Variants in DNAH14 observed in about 807,000 individuals in gnomAD.
DNAH14 encodes dynein axonemal heavy chain 14, also known as axonemal beta dynein heavy chain 14.
Under a neutral mutation model 520.9 loss-of-function variants are expected in DNAH14, and 478 were observed. The ratio of observed to expected loss-of-function variants is 0.92; its 90% confidence interval spans 0.85 to 0.99. The LOEUF is 0.99. Among genes scored for constraint, DNAH14 ranks in the 50% least tolerant of loss-of-function variants. DNAH14 has a pLI of 0.00. For synonymous variants in DNAH14, 1,581 were observed against 1,757.2 expected, an observed-to-expected ratio of 0.90 and a Z score of 2.51; for missense variants, 4,831 against 5,234.5, an observed-to-expected ratio of 0.92 and a Z score of 2.38.
chr1:225,301,453 G>A (rs909016812), intron 56 of DNAH14, among the ~76,000 whole-genome samples: 7 of 152,124 alleles, frequency 4.6e-5, no homozygotes, highest in African/African-American at 1.4e-4. Context: ...TGACCAGGAG[G>A]TGATGGATAA....
At chr1:225,174,104 C>T (rs1225715760) in intron 36 of DNAH14, among the ~76,000 whole-genome samples, 3 of 151,896 alleles carry the variant, frequency 2.0e-5, no homozygotes, top group Non-Finnish European at 4.4e-5. Flanking sequence ...CACACCAGGG[C>T]CTGTTGTGGG....
intron 1 of DNAH14, among the ~76,000 whole-genome samples, chr1:224,948,231 G>T (rs1283900628): frequency 6.6e-6 from 1 of 150,526 alleles, no homozygotes; most frequent in African/African-American, 2.4e-5. Flanking sequence ...TTACACATTT[G>T]CATTCCATAT....
intron 43 of DNAH14, among the ~76,000 whole-genome samples, chr1:225,242,054 C>T (rs2091996446): frequency 1.3e-5 from 2 of 152,070 alleles, no homozygotes; most frequent in Admixed American, 1.3e-4. Flanking sequence ...GAGACCCATC[C>T]ATCTCTAAAA....
At chr1:225,119,176 TA>T (rs1416977243) in intron 25 of DNAH14, 43 bp from the exon 26 acceptor site, 34 of 1,401,086 alleles carry the variant, frequency 2.4e-5, no homozygotes, top group Non-Finnish European at 3.1e-5. Flanking sequence ...AAACATGAAT[TA>T]AAAAATAATT....
At chr1:224,969,078 T>TCC in intron 7 of DNAH14, 1 of 421,324 alleles carries the variant, frequency 2.4e-6, no homozygotes, top group East Asian at 4.7e-5. Flanking sequence ...GAAGCATTTT[T>TCC]CCTTTCAGAA....
At chr1:225,186,886 A>T (rs951093661) in intron 37 of DNAH14, among the ~76,000 whole-genome samples, 3 of 151,876 alleles carry the variant, frequency 2.0e-5, no homozygotes, top group Admixed American at 6.6e-5. Flanking sequence ...TAATAAACAT[A>T]CTTAGGAATG....
At chr1:225,119,170 A>G (rs1313971402) in intron 25 of DNAH14, 50 bp from the exon 26 acceptor site, 2 of 1,374,516 alleles carry the variant, frequency 1.5e-6, no homozygotes, top group Non-Finnish European at 2.0e-6. Context: ...GGACTGAAAC[A>G]TGAATTAAAA....
At chr1:225,203,193 G>T (rs1054500656) in intron 38 of DNAH14, among the ~76,000 whole-genome samples, 2 of 152,184 alleles carry the variant, frequency 1.3e-5, no homozygotes. Flanking sequence ...GTCCATCCAA[G>T]TAGGAGCTGC....
chr1:225,087,852 AC>A (rs1306513233), intron 21 of DNAH14, among the ~76,000 whole-genome samples: 3 of 152,342 alleles, frequency 2.0e-5, no homozygotes, highest in African/African-American at 7.2e-5. Flanking sequence ...CAGGGAAACA[AC>A]CACTTGAGAA....
chr1:225,005,512 A>T (rs768733638), intron 9 of DNAH14, among the ~76,000 whole-genome samples: 10 of 152,160 alleles, frequency 6.6e-5, no homozygotes, highest in African/African-American at 9.6e-5. Context: ...AGCAATAAAG[A>T]CTTTAATTAG....
rs767595562 is a variant in DNAH14 at position 225,398,709 on chromosome 1, G to A, written c.13638+43G>A. ...ATCCTGAAGTCCTAAACCTCTGAGC[G>A]TTGCTTCAGTAATATACAAACCACT... On this transcript the variant is annotated intron_variant, in intron 85 of 85. Coordinates refer to ENST00000682510, the MANE Select transcript of DNAH14 (RefSeq NM_001367479.1). The A allele has an allele frequency of 2.7e-5, 41 of 1,543,010 alleles. No homozygotes were observed. The East Asian group carries it at 4.7e-4, about 18-fold the overall frequency.
At position 225,117,938 on chromosome 1, in the gene DNAH14, A is replaced by G. The variant is rs1047257668; in HGVS notation, c.4030A>G (p.Ile1344Val). 6.4e-7 allele frequency: 1 copy of G among 1,551,416 alleles called. No individual in the cohort carries two copies. Among genetic ancestry groups the G allele is most frequent in the African/African-American group, 1.4e-5 (1 of 73,036 alleles). ...ACAATTATTGATATGGAAACAAGAC[A>G]TTGGCCCTCCTGCTGTAAAAATGCT... Reference protein sequence around the residue: ...IKQLLIWKQDIGPPAVKMLIS... With the variant: ...IKQLLIWKQDVGPPAVKMLIS... Residue 1344 changes from isoleucine to valine, a missense_variant, in exon 25 of 86, where the codon ATT becomes GTT. By Grantham distance (29) the Ile-to-Val change is conservative. Coordinates refer to ENST00000682510, the MANE Select transcript of DNAH14 (RefSeq NM_001367479.1).
At chr1:225,201,934 G>T (rs2086895719) in intron 38 of DNAH14, among the ~76,000 whole-genome samples, 1 of 141,694 alleles carries the variant, frequency 7.1e-6, no homozygotes, top group African/African-American at 2.8e-5. Flanking sequence ...GGAGTGCAAT[G>T]GTGCAATCTC....
chr1:225,351,571 G>T, intron 71 of DNAH14, 76 bp from the exon 72 acceptor site: 1 of 984,738 alleles, frequency 1.0e-6, no homozygotes. Flanking sequence ...TCTTTGTCAA[G>T]TATCTACTTT....
chr1:224,967,266 G>C (rs1362571209), intron 5 of DNAH14, among the ~76,000 whole-genome samples, 165 bp from the exon 6 acceptor site: 1 of 151,884 alleles, frequency 6.6e-6, no homozygotes, highest in African/African-American at 2.4e-5. Context: ...GTTGAACATT[G>C]TTTAGACATA....
chr1:225,347,397 T>G (rs2150433440), intron 71 of DNAH14, among the ~76,000 whole-genome samples: 2 of 152,298 alleles, frequency 1.3e-5, no homozygotes, highest in East Asian at 3.9e-4. Flanking sequence ...ACATGCCTAT[T>G]CATGCCTCCC....
At chr1:225,213,134 G>A (rs975629815) in intron 41 of DNAH14, among the ~76,000 whole-genome samples, 3 of 152,004 alleles carry the variant, frequency 2.0e-5, no homozygotes, top group South Asian at 2.1e-4. Context: ...TATGGCTAGC[G>A]AGTTTTCCCA....
rs1179622316 is a variant in DNAH14 at position 225,079,507 on chromosome 1, A to T, written c.2725A>T (p.Ile909Phe). 4 of 1,537,918 alleles carry T rather than the reference A, an allele frequency of 2.6e-6. No homozygotes were observed. Among genetic ancestry groups the T allele is most frequent in the African/African-American group, 2.8e-5 (2 of 71,860 alleles). ...TKFRDNLEAC[I>F]SGLHVDVGNL... ...ATTCAGAGATAACTTGGAAGCATGTATCAGTGGTCTACATGTTGATGTTGG... is the reference window on the plus strand; with the variant it reads ...ATTCAGAGATAACTTGGAAGCATGTTTCAGTGGTCTACATGTTGATGTTGG... Residue 909 changes from isoleucine to phenylalanine, a missense_variant, in exon 18 of 86, where the codon ATC (isoleucine) becomes TTC (phenylalanine). Transcript: ENST00000682510.
intron 36 of DNAH14, among the ~76,000 whole-genome samples, chr1:225,173,703 G>A (rs755156307): frequency 3.9e-5 from 6 of 152,190 alleles, no homozygotes; most frequent in South Asian, 2.1e-4. Context: ...TCAGTGTGGC[G>A]ATTCTTCAGG....
Sources: allele counts gnomAD v4.1 joint callset (sites outside exome capture counted in the v4.1 genomes callset), GRCh38; gene constraint gnomAD v4.1.1; transcripts MANE v1.5; gene names NCBI Gene and HGNC (gene_info 2026-07-23, HGNC 2026-07-21).